The following DIPK1A variants were observed in gnomAD, a reference collection of about 807,000 sequenced individuals.
DIPK1A encodes the protein divergent protein kinase domain 1A.
In DIPK1A, 27 loss-of-function variants were observed where a neutral mutation model predicts 40.8. The ratio of observed to expected loss-of-function variants is 0.66; its 90% CI spans 0.49 to 0.91. The LOEUF is 0.91. DIPK1A is among the 40% of genes least tolerant of loss of function. DIPK1A has a pLI of 0.00. For synonymous variants in DIPK1A, 166 were observed against 171.3 expected, an observed-to-expected ratio of 0.97 and a Z score of 0.24; for missense variants, 412 against 505.7, an observed-to-expected ratio of 0.81 and a Z score of 1.78.
chr1:92,894,924 G>A (rs1474772468), intron 1 of DIPK1A, among the ~76,000 whole-genome samples: 3 of 152,004 alleles, frequency 2.0e-5, no homozygotes, highest in African/African-American at 2.4e-5. Context: ...TAAATTCCTC[G>A]ACACATACAC....
intron 1 of DIPK1A, among the ~76,000 whole-genome samples, chr1:92,921,844 T>C (rs568677752): frequency 6.6e-6 from 1 of 152,280 alleles, no homozygotes; most frequent in East Asian, 1.9e-4. Context: ...TAAAGAACAA[T>C]TACCTGGAAA....
intron 1 of DIPK1A, among the ~76,000 whole-genome samples, chr1:92,906,288 G>T (rs1027837682): frequency 6.6e-6 from 1 of 152,136 alleles, no homozygotes; most frequent in African/African-American, 2.4e-5. Flanking sequence ...TATCTGCAAA[G>T]AAATATTAAA....
At chr1:92,833,061 A>C (rs763178068) in intron 4 of DIPK1A, 1 of 728,014 alleles carries the variant, frequency 1.4e-6, no homozygotes, top group South Asian at 1.4e-5. Flanking sequence ...TGGAAATTGA[A>C]AGCGTTTAAA....
intron 4 of DIPK1A, among the ~76,000 whole-genome samples, chr1:92,846,841 A>ATATGTG (rs1557449927): frequency 4.8e-4 from 1 of 2,064 alleles, no homozygotes; most frequent in African/African-American, 3.6e-3. Flanking sequence ...ATATATATAT[A>ATATGTG]TGTGTGTATA....
At chr1:92,839,229 C>T (rs569444031), downstream of DIPK1A, among the ~76,000 whole-genome samples, 6 of 152,120 alleles carry the variant, frequency 3.9e-5, no homozygotes, top group East Asian at 1.9e-4. Flanking sequence ...CATGGTGGCT[C>T]ACTCCTGTAA....
intron 2 of DIPK1A, among the ~76,000 whole-genome samples, chr1:92,866,059 G>A (rs917273583): frequency 6.6e-6 from 1 of 152,064 alleles, no homozygotes; most frequent in African/African-American, 2.4e-5. Context: ...CTGGTCTAGT[G>A]TTAATCAGAT....
chr1:92,894,509 T>G (rs10782948), intron 1 of DIPK1A, among the ~76,000 whole-genome samples: 91,036 of 151,400 alleles, frequency 0.6, 28,405 homozygotes, highest in East Asian at 0.94. Context: ...AAGCAGTGTG[T>G]AGAGGGAAAT....
chr1:92,886,313 A>C (rs1648596591), intron 1 of DIPK1A, among the ~76,000 whole-genome samples: 1 of 152,124 alleles, frequency 6.6e-6, no homozygotes, highest in South Asian at 2.1e-4. Flanking sequence ...CTTGGGCGAC[A>C]GAGCATGACC....
chr1:92,947,840 A>G (rs955621709), intron 1 of DIPK1A, among the ~76,000 whole-genome samples: 1 of 152,216 alleles, frequency 6.6e-6, no homozygotes, highest in Non-Finnish European at 1.5e-5. Context: ...TGTGGAAACT[A>G]AAACAGTTGA....
chr1:92,916,307 T>C (rs1019808826), intron 1 of DIPK1A, among the ~76,000 whole-genome samples: 46 of 151,200 alleles, frequency 3.0e-4, no homozygotes, highest in African/African-American at 1.1e-3. Flanking sequence ...TTTTTCTTTT[T>C]TTTTTTTTTT....
intron 1 of DIPK1A, among the ~76,000 whole-genome samples, chr1:92,883,242 TACAG>T (rs1648456701): frequency 6.6e-6 from 1 of 152,230 alleles, no homozygotes; most frequent in Non-Finnish European, 1.5e-5. Context: ...GCCAGTATCT[TACAG>T]AGCATATAGG....
intron 1 of DIPK1A, among the ~76,000 whole-genome samples, chr1:92,913,007 G>C (rs1018041042): frequency 6.6e-6 from 1 of 152,082 alleles, no homozygotes; most frequent in Non-Finnish European, 1.5e-5. Context: ...AGGAAGCTAA[G>C]GCAGGAGAAT....
At chr1:92,950,105 G>T (rs1280130739) in intron 1 of DIPK1A, among the ~76,000 whole-genome samples, 2 of 152,166 alleles carry the variant, frequency 1.3e-5, no homozygotes, top group Non-Finnish European at 2.9e-5. Context: ...TAATACTGTG[G>T]AGTATTAAGG....
In DIPK1A at chr1:92,914,084, G is replaced by C. The variant is rs529300688; in HGVS notation, c.55-37654C>G. On this transcript the variant is annotated intron_variant, in intron 1 of 4. Coordinates refer to ENST00000370310, the MANE Select transcript of DIPK1A (RefSeq NM_001006605.5). ...CTTTTTCTCAGTTGTCTCTCTCTCT[G>C]ACATCCAATTTGGGACAGGAAAGGA... Among the ~76,000 whole-genome samples, 271 of 151,664 alleles carry C rather than the reference G, an allele frequency of 1.8e-3. 1 individual carries two copies. The highest frequency in any genetic ancestry group is 6.3e-3 in the African/African-American group (262 of 41,314).
intron 1 of DIPK1A, among the ~76,000 whole-genome samples, chr1:92,894,505 T>C (rs1649068425): frequency 6.6e-6 from 1 of 152,000 alleles, no homozygotes; most frequent in African/African-American, 2.4e-5. Flanking sequence ...TTCAAAGCAG[T>C]GTGTAGAGGG....
downstream of DIPK1A, among the ~76,000 whole-genome samples, chr1:92,839,777 T>A (rs1687278285): frequency 6.6e-6 from 1 of 152,212 alleles, no homozygotes; most frequent in Admixed American, 6.5e-5. Flanking sequence ...AAAAATTTGA[T>A]TTAGAGTGAC....
At chr1:92,847,104 A>G in intron 4 of DIPK1A, 79 bp downstream of exon 4, 1 of 878,250 alleles carries the variant, frequency 1.1e-6, no homozygotes, top group East Asian at 3.1e-5. Context: ...TCAACACTTT[A>G]ATGGCTTAGG....
At chr1:92,840,735 T>A (rs761033077), downstream of DIPK1A, 8 of 886,386 alleles carry the variant, frequency 9.0e-6, no homozygotes, top group East Asian at 1.7e-4. Flanking sequence ...ACTCGATCAC[T>A]AGCTCTGCGT....
At chr1:92,914,142 G>A (rs1486802351) in intron 1 of DIPK1A, among the ~76,000 whole-genome samples, 2 of 151,318 alleles carry the variant, frequency 1.3e-5, no homozygotes, top group East Asian at 1.9e-4. Context: ...GGAGCAAAAG[G>A]CAATGGAGAA....
Sources: gnomAD v4.1 joint callset for allele counts (sites outside exome capture counted in the v4.1 genomes callset) on GRCh38, gnomAD v4.1.1 for gene constraint, MANE v1.5 for transcripts, NCBI Gene and HGNC (gene_info 2026-07-23, HGNC 2026-07-21) for gene names.